The following LCN6 variants were observed in gnomAD, a reference collection of about 807,000 sequenced individuals.
The protein encoded by LCN6 is lipocalin 6.
Under a neutral mutation model 21.4 loss-of-function variants are expected in LCN6, and 20 were observed. The observed-to-expected ratio is 0.93, with a 90% CI of 0.66 to 1.36. The LOEUF (loss-of-function observed/expected upper bound fraction) is 1.36, where lower values mean the gene tolerates loss of function less well. Among genes scored for constraint, LCN6 ranks in the 40% most tolerant of loss-of-function variants. The pLI, the probability that LCN6 is intolerant of heterozygous loss-of-function variation, is 0.00. For missense variants in LCN6, 217 were observed against 206.6 expected (o/e 1.05, Z -0.31); for synonymous variants, 96 against 89.0 (o/e 1.08, Z -0.44).
intron 2 of LCN6, among the ~76,000 whole-genome samples, chr9:136,746,273 G>A (rs1042539173): frequency 4.2e-5 from 6 of 141,564 alleles, no homozygotes; most frequent in Non-Finnish European, 6.2e-5. Flanking sequence ...AGGATGGGGC[G>A]GGGTGGGGGT....
chr9:136,744,417 C>T lies in LCN6; in HGVS notation c.*23-53G>A. ...AAAAAGGACTGAGCCCCCCAGCACC[C>T]CAGGGCCCCACCCACAAGACTCGCC... On this transcript the variant is annotated intron_variant, in intron 5 of 6. Coordinates refer to ENST00000341206, the MANE Select transcript of LCN6 (RefSeq NM_198946.3). This position sits in a 1 kb window ranked among gnomAD's most constrained non-coding sequence, Gnocchi z 4.2. The T allele has an allele frequency of 2.0e-6, 1 of 489,172 alleles. No homozygotes were observed. Among genetic ancestry groups the T allele is most frequent in the Non-Finnish European group, 3.7e-6 (1 of 269,370 alleles). The allele number at this position is 489,172 out of a possible 1,614,324, so 30.3% of individuals were successfully genotyped here.
intron 3 of LCN6, 27 bp from the exon 4 acceptor site, chr9:136,745,307 G>T: frequency 6.6e-7 from 1 of 1,519,852 alleles, no homozygotes; most frequent in South Asian, 1.1e-5. Context: ...CCCGCCTCAG[G>T]GGAGGGCAGC....
intron 3 of LCN6, chr9:136,745,488 A>C: frequency 3.8e-6 from 2 of 531,762 alleles, no homozygotes; most frequent in Non-Finnish European, 3.4e-6. Flanking sequence ...GCTTTCAGAC[A>C]CTGACGGACA....
At chr9:136,748,059 CCCTCCAGCCTCCAGCCCAGCAG>C (rs1447337830) in intron 1 of LCN6, among the ~76,000 whole-genome samples, 5 of 149,664 alleles carry the variant, frequency 3.3e-5, no homozygotes, top group Non-Finnish European at 5.9e-5. Context: ...AGTTCTACAG[CCCTCCAGCCTCCAGCCCAGCAG>C]CCTCCAGCCT....
chr9:136,748,259 C>G (rs562609416), intron 1 of LCN6, 135 bp downstream of exon 1: 3 of 761,338 alleles, frequency 3.9e-6, no homozygotes, highest in Non-Finnish European at 6.4e-6. Context: ...GTGGGACTCC[C>G]CAAGGGCTGG....
Position 136,744,963 on chromosome 9 carries a change from G to A in LCN6, c.412+207C>T, listed in dbSNP as rs1269124923. Among the ~76,000 whole-genome samples the A allele has an allele frequency of 1.3e-5, 2 of 150,496 alleles. No homozygotes were observed. Among genetic ancestry groups the A allele is most frequent in the Non-Finnish European group, 3.0e-5 (2 of 67,550 alleles). ...ACACAGCTCCCCACATGGCCCCCGA[G>A]CGGCCCACTCACCACACAGCTCCCC... On this transcript the variant is annotated intron_variant, in intron 4 of 6. Transcript: ENST00000341206. This position sits in a 1 kb window ranked among gnomAD's most constrained non-coding sequence, Gnocchi z 4.2.
In LCN6 at chr9:136,748,379, C is replaced by G. The variant is rs752064359; in HGVS notation, c.90+15G>C. 1.9e-6 allele frequency: 3 copies of G among 1,605,898 alleles called. No individual in the cohort carries two copies. The highest frequency in any genetic ancestry group is 2.2e-5 in the South Asian group (2 of 89,960). On this transcript the variant is annotated intron_variant, in intron 1 of 6. Coordinates refer to ENST00000341206, the MANE Select transcript of LCN6 (RefSeq NM_198946.3). ...CCCCGAGGACCAGCTCTCCCCACCCCCAGGAGGACTGTACCTGCTCAGGGT... is the reference window on the plus strand; with the variant it reads ...CCCCGAGGACCAGCTCTCCCCACCCGCAGGAGGACTGTACCTGCTCAGGGT...
At chr9:136,747,670 T>C in intron 1 of LCN6, 107 bp from the exon 2 acceptor site, 1 of 928,270 alleles carries the variant, frequency 1.1e-6, no homozygotes, top group Non-Finnish European at 1.5e-6. Context: ...AGCCTCAGCC[T>C]CCACCCTCCA....
chr9:136,745,999 G>A (rs1198124881), intron 2 of LCN6, 85 bp from the exon 3 acceptor site: 2 of 1,211,160 alleles, frequency 1.7e-6, no homozygotes, highest in East Asian at 4.7e-5. Flanking sequence ...GTCCAGGCCA[G>A]GCCAGCCAGC....
intron 2 of LCN6, chr9:136,746,145 T>C: frequency 1.9e-6 from 1 of 514,624 alleles, no homozygotes; most frequent in Non-Finnish European, 3.5e-6. Context: ...GTGCCAGATC[T>C]CCACCAGGAA....
intron 3 of LCN6, 178 bp from the exon 4 acceptor site, chr9:136,745,458 C>A: frequency 1.7e-6 from 1 of 580,862 alleles, no homozygotes; most frequent in Non-Finnish European, 3.1e-6. Flanking sequence ...CCCGACCCCA[C>A]CTGGTGCCAG....
intron 2 of LCN6, 128 bp downstream of exon 2, chr9:136,747,296 G>T: frequency 9.5e-7 from 1 of 1,048,028 alleles, no homozygotes; most frequent in Non-Finnish European, 1.4e-6. Flanking sequence ...TGGGAAAAGT[G>T]ACGGGGGTGC....
intron 1 of LCN6, 23 bp from the exon 2 acceptor site, chr9:136,747,586 A>G (rs1588302523): frequency 6.2e-7 from 1 of 1,602,114 alleles, no homozygotes; most frequent in Non-Finnish European, 8.5e-7. Flanking sequence ...GGCTCCCGTT[A>G]GGGCCGCCAG....
chr9:136,745,438 G>T, intron 3 of LCN6, 158 bp from the exon 4 acceptor site: 1 of 617,368 alleles, frequency 1.6e-6, no homozygotes, highest in Non-Finnish European at 2.9e-6. Flanking sequence ...CCCAAGCTTT[G>T]TCCCCCACCC....
intron 2 of LCN6, chr9:136,746,146 C>A: frequency 7.6e-6 from 4 of 528,478 alleles, no homozygotes; most frequent in Admixed American, 3.3e-5. Flanking sequence ...TGCCAGATCT[C>A]CACCAGGAAC....
Position 136,748,396 on chromosome 9 carries a change from G to C in LCN6, c.88C>G (p.Gln30Glu), listed in dbSNP as rs1173385726. The change falls in exon 1 of 7, where the codon CAG (glutamine) becomes GAG (glutamate). Residue 30 changes from glutamine to glutamate, a missense_variant and splice_region_variant. Gln to Glu is a conservative substitution (Grantham distance 29). Coordinates refer to ENST00000341206, the MANE Select transcript of LCN6 (RefSeq NM_198946.3). Reference protein sequence around the residue: ...AVWLGRLDPEQLLGPWYVLAV... With the variant: ...AVWLGRLDPEELLGPWYVLAV... ...CCCCACCCCCAGGAGGACTGTACCTGCTCAGGGTCCAGTCTTCCCAACCAC... is the reference window on the plus strand; with the variant it reads ...CCCCACCCCCAGGAGGACTGTACCTCCTCAGGGTCCAGTCTTCCCAACCAC... 1 of 1,611,076 alleles carries C rather than the reference G, an allele frequency of 6.2e-7. No individual in the cohort carries two copies. Among genetic ancestry groups the C allele is most frequent in the Non-Finnish European group, 8.5e-7 (1 of 1,178,880 alleles).
Position 136,745,929 on chromosome 9 carries a change from G to A in LCN6, c.231-15C>T, listed in dbSNP as rs1304326027. ...ACCCTCCCAGCCTGGAAAAGAAGGG[G>A]CCTGTCACCCACTCAGGGTCAAGAC... is the stretch of plus-strand genomic sequence containing the variant. On this transcript the variant is annotated splice_polypyrimidine_tract_variant and intron_variant, in intron 2 of 6. Coordinates refer to ENST00000341206, the MANE Select transcript of LCN6 (RefSeq NM_198946.3). 4 of 1,612,986 alleles carry A rather than the reference G, an allele frequency of 2.5e-6. No homozygotes were observed. Among genetic ancestry groups the A allele is most frequent in the South Asian group, 1.1e-5 (1 of 91,062 alleles).
chr9:136,747,592 G>A (rs774164962), intron 1 of LCN6, 29 bp from the exon 2 acceptor site: 41 of 1,596,996 alleles, frequency 2.6e-5, no homozygotes, highest in Admixed American at 1.0e-4. Context: ...CGTTAGGGCC[G>A]CCAGCCCTCC....
chr9:136,746,121 C>T (rs1847033530), intron 2 of LCN6: 2 of 578,162 alleles, frequency 3.5e-6, no homozygotes, highest in South Asian at 2.1e-5. Flanking sequence ...CATTCACTTC[C>T]TGAGAGATCC....
Sources: allele counts gnomAD v4.1 joint callset (sites outside exome capture counted in the v4.1 genomes callset), GRCh38; gene constraint gnomAD v4.1.1; non-coding constraint Gnocchi (gnomAD v3.1); transcripts MANE v1.5; gene names NCBI Gene and HGNC (gene_info 2026-07-23, HGNC 2026-07-21).